Variants in LIMD1 observed in about 807,000 individuals in gnomAD.
LIMD1 encodes LIM domain containing 1, also known as LIM domain-containing protein 1.
Under a neutral mutation model 58.4 loss-of-function variants are expected in LIMD1, and 23 were observed. That is an observed-to-expected ratio of 0.39 (90% CI 0.28 to 0.56). The LOEUF (loss-of-function observed/expected upper bound fraction) is 0.56, where lower values mean the gene tolerates loss of function less well. Ranked by LOEUF, LIMD1 falls within the 20% of genes least tolerant of loss-of-function variation. The pLI is 0.57. For synonymous variants in LIMD1, 334 were observed against 345.5 expected (o/e 0.97, Z 0.37); for missense variants, 838 against 855.5 (o/e 0.98, Z 0.25).
intron 1 of LIMD1, among the ~76,000 whole-genome samples, chr3:45,596,872 T>C (rs2125646235): frequency 6.6e-6 from 1 of 151,174 alleles, no homozygotes; most frequent in Middle Eastern, 3.4e-3. Flanking sequence ...TCTTTTTTTT[T>C]TTTTTTTGAG....
At chr3:45,636,761 C>T (rs1184286714) in intron 2 of LIMD1, among the ~76,000 whole-genome samples, 2 of 152,130 alleles carry the variant, frequency 1.3e-5, no homozygotes, top group Non-Finnish European at 1.5e-5. Flanking sequence ...TGCATGCCAC[C>T]CATGTGCTGG....
At chr3:45,644,508 A>C (rs1701880755) in intron 2 of LIMD1, among the ~76,000 whole-genome samples, 1 of 152,076 alleles carries the variant, frequency 6.6e-6, no homozygotes, top group Admixed American at 6.6e-5. Context: ...ACACCGCATA[A>C]CCCTCCTCCA....
rs532896447 is a variant in LIMD1, at chr3:45,661,458, GT to G, written c.1511-4190del. ...GCATAATATTCCAACATGTATATGGGTTATCATTTAATAGGAATTGGACATT... is the reference window on the plus strand; with the variant it reads ...GCATAATATTCCAACATGTATATGGGTATCATTTAATAGGAATTGGACATT... On this transcript the variant is annotated intron_variant, in intron 2 of 7. Transcript: ENST00000273317. Among the ~76,000 whole-genome samples the G allele has an allele frequency of 6.6e-5, 10 of 152,260 alleles. No homozygotes were observed. In the East Asian group the frequency reaches 1.7e-3, roughly 26 times the overall value.
chr3:45,595,651 A>G lies in LIMD1; in HGVS notation c.772A>G (p.Lys258Glu), dbSNP rs998353509. The change falls in exon 1 of 8, where the codon AAG (lysine) becomes GAG (glutamate). Residue 258 changes from lysine to glutamate, a missense_variant. By Grantham distance (56) the Lys-to-Glu change is moderately conservative. Around this residue, in one of 3 missense-constraint regions of LIMD1, gnomAD observed 659 missense variants for 639.8 expected, o/e 1.03. Coordinates refer to ENST00000273317, the MANE Select transcript of LIMD1 (RefSeq NM_014240.3). ...TGGCATTGGTGGCCGCAGCAGCGAG[A>G]AGCCAACAGGCCTTTGGTCCACTGC... ...NSGIGGRSSE[K>E]PTGLWSTASS... 1.2e-6 allele frequency: 2 copies of G among 1,613,974 alleles called. No homozygotes were observed. Among genetic ancestry groups the G allele is most frequent in the African/African-American group, 1.3e-5 (1 of 74,906 alleles).
At chr3:45,651,810 T>C (rs939657961) in intron 2 of LIMD1, among the ~76,000 whole-genome samples, 1 of 152,018 alleles carries the variant, frequency 6.6e-6, no homozygotes, top group Admixed American at 6.5e-5. Flanking sequence ...TTTTGTATTT[T>C]TAGTAGAGAC....
chr3:45,635,760 A>AAAAT, intron 1 of LIMD1: 2 of 236,728 alleles, frequency 8.4e-6, no homozygotes, highest in Non-Finnish European at 6.7e-6. Flanking sequence ...AAAAAAAAAA[A>AAAAT]GGGAGGAAAA....
At chr3:45,623,695 G>A (rs1701646353) in intron 1 of LIMD1, among the ~76,000 whole-genome samples, 1 of 152,154 alleles carries the variant, frequency 6.6e-6, no homozygotes, top group Non-Finnish European at 1.5e-5. Context: ...CCATTGACGT[G>A]AGAGCTGCAG....
At chr3:45,652,930 C>T (rs1189208326) in intron 2 of LIMD1, among the ~76,000 whole-genome samples, 1 of 152,110 alleles carries the variant, frequency 6.6e-6, no homozygotes, top group Admixed American at 6.6e-5. Flanking sequence ...TGGAGTGGCA[C>T]GTGAGAAGAG....
intron 4 of LIMD1, among the ~76,000 whole-genome samples, chr3:45,671,638 A>G (rs1373068198): frequency 6.6e-6 from 1 of 152,222 alleles, no homozygotes; most frequent in Non-Finnish European, 1.5e-5. Flanking sequence ...AGTTAAACCA[A>G]TGATCCTCCA....
rs11706825 is a variant in LIMD1, at chr3:45,675,299, G to A, written c.1893+888G>A. On this transcript the variant is annotated intron_variant, in intron 7 of 7. Coordinates refer to ENST00000273317, the MANE Select transcript of LIMD1 (RefSeq NM_014240.3). Reference sequence around the variant, plus strand: ...AATCTCAGCACTTTGGGAGGCCAAGGCCGGCAGATTACTTGAGGTCAGGAG... The same window carrying A: ...AATCTCAGCACTTTGGGAGGCCAAGACCGGCAGATTACTTGAGGTCAGGAG... Among the ~76,000 whole-genome samples the A allele has an allele frequency of 3.9e-3, 588 of 152,302 alleles. 1 individual carries two copies. Among genetic ancestry groups the A allele is most frequent in the Non-Finnish European group, 5.9e-3 (398 of 68,010 alleles).
intron 2 of LIMD1, among the ~76,000 whole-genome samples, chr3:45,655,277 A>C (rs574873992): frequency 1.3e-4 from 20 of 152,296 alleles, no homozygotes; most frequent in Admixed American, 1.1e-3. Context: ...GAGCATTTTG[A>C]CTACTGTCTT....
chr3:45,597,190 A>G (rs1701366351), intron 1 of LIMD1, among the ~76,000 whole-genome samples: 1 of 152,126 alleles, frequency 6.6e-6, no homozygotes, highest in Admixed American at 6.5e-5. Context: ...TAGTCCCTGG[A>G]TCAGCAGCAT....
In LIMD1 at chr3:45,595,141, G is replaced by T. The variant is rs745775470; in HGVS notation, c.262G>T (p.Ala88Ser). Residue 88 changes from alanine to serine, a missense_variant, in exon 1 of 8, where the codon GCC becomes TCC. This residue lies in a region of LIMD1 where 659 missense variants were observed against 639.8 expected (regional missense o/e 1.03). Transcript: ENST00000273317. ...TGGAGGGGGCCGCCTGGGCCCACAG[G>T]CCCGTTGGGAAGTTGTGGGCAGCAA... is the stretch of plus-strand genomic sequence containing the variant. ...VNGGGRLGPQARWEVVGSKLT... is the reference protein window; with the variant it reads ...VNGGGRLGPQSRWEVVGSKLT... 6 of 1,605,972 alleles carry T rather than the reference G, an allele frequency of 3.7e-6. No homozygotes were observed. The South Asian group carries it at 4.4e-5, about 12-fold the overall frequency.
chr3:45,646,390 T>C (rs1425036132), intron 2 of LIMD1, among the ~76,000 whole-genome samples: 1 of 152,198 alleles, frequency 6.6e-6, no homozygotes, highest in Non-Finnish European at 1.5e-5. Flanking sequence ...TGGGGGATTG[T>C]GATGAAGTTA....
At chr3:45,639,883 G>A (rs2125659763) in intron 2 of LIMD1, among the ~76,000 whole-genome samples, 1 of 152,272 alleles carries the variant, frequency 6.6e-6, no homozygotes, top group South Asian at 2.1e-4. Context: ...GGCTGGTCTC[G>A]AAGTCCTGAC....
chr3:45,642,384 C>T (rs1477871393), intron 2 of LIMD1, among the ~76,000 whole-genome samples: 1 of 151,890 alleles, frequency 6.6e-6, no homozygotes, highest in African/African-American at 2.4e-5. Flanking sequence ...GCTATGTTGC[C>T]CAGGCTGGTC....
chr3:45,629,909 C>T (rs4401397), intron 1 of LIMD1, among the ~76,000 whole-genome samples: 109,326 of 152,138 alleles, frequency 0.72, 40,332 homozygotes, highest in East Asian at 0.95. Context: ...CTTTTCCCAT[C>T]ATAATACCAA....
chr3:45,604,833 G>T (rs1448453899), intron 1 of LIMD1, among the ~76,000 whole-genome samples: 1 of 152,138 alleles, frequency 6.6e-6, no homozygotes, highest in Non-Finnish European at 1.5e-5. Flanking sequence ...TCCCTCCTTG[G>T]TATGGTATGT....
Position 45,674,294 on chromosome 3 carries a change from C to T in LIMD1, c.1825-49C>T, listed in dbSNP as rs771096248. 7 of 1,496,986 alleles carry T rather than the reference C, an allele frequency of 4.7e-6. No individual in the cohort carries two copies. The South Asian group carries it at 8.0e-5, about 17-fold the overall frequency. 92.7% of individuals were successfully genotyped at this position (1,496,986 alleles called of 1,614,324 possible). A position where few individuals can be genotyped will look rare whatever the true frequency, so the allele number is the denominator to read the frequency against. ...CCCCACGGTACATCAAGCCCGACAG[C>T]CCCCCTAACAGGCCTCTCCTATGTG... is the stretch of plus-strand genomic sequence containing the variant. On this transcript the variant is annotated intron_variant, in intron 6 of 7. Transcript: ENST00000273317.
Sources: allele counts gnomAD v4.1 joint callset (sites outside exome capture counted in the v4.1 genomes callset), GRCh38; gene constraint gnomAD v4.1.1; regional missense constraint gnomAD v4.1.1; transcripts MANE v1.5; gene names NCBI Gene and HGNC (gene_info 2026-07-23, HGNC 2026-07-21).